The following CFAP47 variants were observed in gnomAD, a reference collection of about 807,000 sequenced individuals.
CFAP47 encodes the protein cilia- and flagella-associated protein 47.
Under a neutral mutation model 148.1 loss-of-function variants are expected in CFAP47, and 29 were observed. That is an observed-to-expected ratio of 0.20 (90% CI 0.15 to 0.27). The LOEUF (loss-of-function observed/expected upper bound fraction) is 0.27, where lower values mean the gene tolerates loss of function less well. CFAP47 is among the 10% of genes least tolerant of loss of function. The pLI, the probability that CFAP47 is intolerant of heterozygous loss-of-function variation, is 1.00. For missense variants in CFAP47, 1,872 were observed against 1,697.5 expected (o/e 1.10, Z -1.81); for synonymous variants, 664 against 577.3 (o/e 1.15, Z -2.15).
rs759720512 is a variant in CFAP47, at chrX:35,970,764, G to T, written c.1815-4G>T. 1 of 1,158,232 alleles carries T rather than the reference G, an allele frequency of 8.6e-7. No individual in the cohort carries two copies. The highest frequency in any genetic ancestry group is 2.0e-5 in the South Asian group (1 of 49,545). On this transcript the variant is annotated splice_region_variant and splice_polypyrimidine_tract_variant and intron_variant, in intron 10 of 63. Coordinates refer to ENST00000378653, the MANE Select transcript of CFAP47 (RefSeq NM_001304548.2). ...AATATTAACATGACTTGCTTATATT[G>T]CAGGCCAATTTTCACAAAAGTTCCA... is the stretch of plus-strand genomic sequence containing the variant.
At chrX:36,198,054 T>C (rs1273816879) in intron 42 of CFAP47, among the ~76,000 whole-genome samples, 1 of 111,655 alleles carries the variant, frequency 9.0e-6, no homozygotes, top group Admixed American at 9.6e-5. Context: ...CTTTATATCA[T>C]TGTTGACAAA....
In CFAP47 at chrX:36,289,475, C is replaced by T. The variant is rs186799439; in HGVS notation, c.7686+3749C>T. On this transcript the variant is annotated intron_variant, in intron 51 of 63. Transcript: ENST00000378653. Reference sequence around the variant, plus strand: ...AATTCTTAAATACTATTTTTTAATCCGGAAAAAATATCTCATGGTCTAATT... The same window carrying T: ...AATTCTTAAATACTATTTTTTAATCTGGAAAAAATATCTCATGGTCTAATT... 3.9e-3 allele frequency among the ~76,000 whole-genome samples: 429 copies of T among 109,656 alleles called. 3 individuals carry two copies. The highest frequency in any genetic ancestry group is 0.014 in the South Asian group (35 of 2,555).
intron 42 of CFAP47, among the ~76,000 whole-genome samples, chrX:36,197,816 G>A (rs1390140527): frequency 9.0e-6 from 1 of 111,500 alleles, no homozygotes; most frequent in African/African-American, 3.3e-5. Context: ...ATAGATAACT[G>A]TGGGTCTTAA....
In CFAP47 at chrX:35,986,914, T is replaced by C. The variant is rs184274662; in HGVS notation, c.2714-2405T>C. ...CTGGGGGTCCACTCCAGACCCTGTT[T>C]GCCTGGGTATCACCAGCGGAGGCTG... is the stretch of plus-strand genomic sequence containing the variant. On this transcript the variant is annotated intron_variant, in intron 15 of 63. Coordinates refer to ENST00000378653, the MANE Select transcript of CFAP47 (RefSeq NM_001304548.2). Among the ~76,000 whole-genome samples the C allele has an allele frequency of 8.4e-4, 94 of 111,535 alleles. 1 individual carries two copies. Among genetic ancestry groups the C allele is most frequent in the African/African-American group, 2.9e-3 (90 of 30,659 alleles).
intron 56 of CFAP47, among the ~76,000 whole-genome samples, chrX:36,316,054 A>G (rs1941431025): frequency 8.9e-6 from 1 of 112,039 alleles, no homozygotes; most frequent in African/African-American, 3.2e-5. Flanking sequence ...GAAGGAAGTA[A>G]GATTAAAAAC....
At chrX:35,959,151 C>G (rs1936286446) in intron 8 of CFAP47, among the ~76,000 whole-genome samples, 1 of 112,056 alleles carries the variant, frequency 8.9e-6, no homozygotes, top group Non-Finnish European at 1.9e-5. Flanking sequence ...TTATTTTTGT[C>G]AACAAGATTT....
intron 1 of CFAP47, among the ~76,000 whole-genome samples, chrX:35,920,342 C>T (rs1935559151): frequency 8.9e-6 from 1 of 111,917 alleles, no homozygotes; most frequent in Non-Finnish European, 1.9e-5. Flanking sequence ...ATCTGTGCAA[C>T]TTGGTTTTAT....
intron 33 of CFAP47, among the ~76,000 whole-genome samples, chrX:36,134,361 T>C (rs1939002593): frequency 9.0e-6 from 1 of 111,420 alleles, no homozygotes; most frequent in Non-Finnish European, 1.9e-5. Flanking sequence ...CAAAACAATT[T>C]TGAAAAGGCG....
chrX:36,156,194 C>T (rs966793340), intron 37 of CFAP47, among the ~76,000 whole-genome samples: 2 of 110,666 alleles, frequency 1.8e-5, no homozygotes, highest in African/African-American at 6.5e-5. Flanking sequence ...ACAAATACGA[C>T]TCAGAAAACA....
intron 45 of CFAP47, among the ~76,000 whole-genome samples, chrX:36,208,275 G>A (rs190306472): frequency 1.3e-4 from 14 of 111,401 alleles, no homozygotes; most frequent in East Asian, 8.5e-4. Flanking sequence ...AATGTGTAAC[G>A]TAATTGTAAA....
chrX:36,108,055 A>C lies in CFAP47; in HGVS notation c.5320+3364A>C, dbSNP rs748622753. Reference sequence around the variant, plus strand: ...TTGAGCATTAGAGTTGTTCAGATTCAAAGGGAGGCATTTCCTCTACCCTCT... The same window carrying C: ...TTGAGCATTAGAGTTGTTCAGATTCCAAGGGAGGCATTTCCTCTACCCTCT... On this transcript the variant is annotated intron_variant, in intron 33 of 63. Coordinates refer to ENST00000378653, the MANE Select transcript of CFAP47 (RefSeq NM_001304548.2). 2.9e-4 allele frequency among the ~76,000 whole-genome samples: 32 copies of C among 111,484 alleles called. No homozygotes were observed. In the Admixed American group the frequency reaches 2.9e-3, roughly 10 times the overall value.
intron 15 of CFAP47, among the ~76,000 whole-genome samples, 176 bp downstream of exon 15, chrX:35,976,089 G>A (rs2052449055): frequency 9.0e-6 from 1 of 110,932 alleles, no homozygotes; most frequent in African/African-American, 3.3e-5. Flanking sequence ...TGGAAATATG[G>A]AACCCTTGTT....
intron 57 of CFAP47, among the ~76,000 whole-genome samples, chrX:36,339,359 T>C (rs887946955): frequency 1.8e-5 from 2 of 111,646 alleles, no homozygotes; most frequent in Non-Finnish European, 3.8e-5. Context: ...ATCAATAAGG[T>C]ATGTTAGTTA....
intron 29 of CFAP47, among the ~76,000 whole-genome samples, chrX:36,074,571 T>A (rs985301357): frequency 8.9e-6 from 1 of 111,958 alleles, no homozygotes; most frequent in African/African-American, 3.2e-5. Context: ...TATTTTGGGA[T>A]CTAGTTAATG....
intron 46 of CFAP47, among the ~76,000 whole-genome samples, chrX:36,230,977 T>G (rs782072131): frequency 9.5e-6 from 1 of 104,923 alleles, no homozygotes; most frequent in East Asian, 3.0e-4. Flanking sequence ...AATATCTCTG[T>G]TTTGGTACCA....
chrX:36,072,175 C>A (rs1937767645), intron 28 of CFAP47, among the ~76,000 whole-genome samples: 1 of 112,068 alleles, frequency 8.9e-6, no homozygotes, highest in South Asian at 3.7e-4. Context: ...GTTCTTGGTT[C>A]ACAGCACTCT....
intron 49 of CFAP47, among the ~76,000 whole-genome samples, chrX:36,254,737 G>C (rs1248998396): frequency 9.0e-6 from 1 of 111,596 alleles, no homozygotes; most frequent in Non-Finnish European, 1.9e-5. Context: ...TCAGGTTACT[G>C]CTGAAAACTG....
chrX:35,948,306 C>T lies in CFAP47; in HGVS notation c.518-8C>T. 8.4e-7 allele frequency: 1 copy of T among 1,195,648 alleles called. No individual in the cohort carries two copies. Among genetic ancestry groups the T allele is most frequent in the Non-Finnish European group, 1.1e-6 (1 of 884,191 alleles). On this transcript the variant is annotated splice_polypyrimidine_tract_variant and splice_region_variant and intron_variant, in intron 3 of 63. Transcript: ENST00000378653. ...CAGATGTAAATCAACTGCTCTTATT[C>T]CCTATAGGCATATTTAAGGCAGAAT...
chrX:36,262,906 A>G (rs1046233632), intron 49 of CFAP47, among the ~76,000 whole-genome samples: 1 of 111,883 alleles, frequency 8.9e-6, no homozygotes. Context: ...GATATAAGCC[A>G]TGTTGCCTGG....
Sources: allele counts gnomAD v4.1 joint callset (sites outside exome capture counted in the v4.1 genomes callset), GRCh38; gene constraint gnomAD v4.1.1; transcripts MANE v1.5; gene names NCBI Gene and HGNC (gene_info 2026-07-23, HGNC 2026-07-21).